IMMP2L: variants seen among roughly 807,000 people sequenced by gnomAD.
IMMP2L encodes the protein inner mitochondrial membrane peptidase subunit 2, also known as mitochondrial inner membrane protease subunit 2.
Under a neutral mutation model 19.3 loss-of-function variants are expected in IMMP2L, and 18 were observed. That is an observed-to-expected ratio of 0.93 (90% CI 0.64 to 1.38). The LOEUF (loss-of-function observed/expected upper bound fraction) is 1.38. Among genes scored for constraint, IMMP2L ranks in the 40% most tolerant of loss-of-function variants. The probability of loss-of-function intolerance (pLI) is 0.00; values close to 1 mark genes in which losing one functional copy is unlikely to be tolerated. For synonymous variants in IMMP2L, 76 were observed against 73.0 expected (o/e 1.04, Z -0.21); for missense variants, 233 against 218.2 (o/e 1.07, Z -0.43).
At chr7:110,834,693 G>A (rs112931220) in intron 5 of IMMP2L, among the ~76,000 whole-genome samples, 20 of 152,290 alleles carry the variant, frequency 1.3e-4, no homozygotes, top group African/African-American at 4.6e-4. Context: ...GTTTGAAGAA[G>A]AGAAAACTAT....
intron 2 of IMMP2L, among the ~76,000 whole-genome samples, chr7:111,489,575 C>G (rs1244599584): frequency 3.3e-5 from 5 of 152,102 alleles, no homozygotes; most frequent in African/African-American, 1.2e-4. Context: ...GCAGTAATGA[C>G]GTGCCTTTTG....
In IMMP2L at chr7:110,886,579, A is replaced by G. The variant is rs774026749; in HGVS notation, c.408+14T>C. 2 of 1,448,398 alleles carry G rather than the reference A, an allele frequency of 1.4e-6. No individual in the cohort carries two copies. The highest frequency in any genetic ancestry group is 4.6e-5 in the East Asian group (2 of 43,942). 89.7% of individuals were successfully genotyped at this position (1,448,398 alleles called of 1,614,324 possible). A position where few individuals can be genotyped will look rare whatever the true frequency, so the allele number is the denominator to read the frequency against. Reference sequence around the variant, plus strand: ...AATCCAATTACATCAACAAGAAGATAAAAGATGACTTACCGGCCCAAAAGA... The same window carrying G: ...AATCCAATTACATCAACAAGAAGATGAAAGATGACTTACCGGCCCAAAAGA... On this transcript the variant is annotated intron_variant, in intron 5 of 5. Coordinates refer to ENST00000405709, the MANE Select transcript of IMMP2L (RefSeq NM_032549.4).
At chr7:110,936,130 T>C (rs550616562) in intron 4 of IMMP2L, among the ~76,000 whole-genome samples, 4 of 152,144 alleles carry the variant, frequency 2.6e-5, no homozygotes, top group Non-Finnish European at 5.9e-5. Flanking sequence ...ATTCAGGACA[T>C]AGGCATGAGC....
At chr7:111,106,128 G>A (rs1798525264) in intron 3 of IMMP2L, among the ~76,000 whole-genome samples, 1 of 151,944 alleles carries the variant, frequency 6.6e-6, no homozygotes, top group African/African-American at 2.4e-5. Flanking sequence ...CAACATTGGT[G>A]CACATTGGAG....
intron 5 of IMMP2L, among the ~76,000 whole-genome samples, chr7:110,806,513 G>T (rs1326590092): frequency 1.3e-5 from 2 of 151,818 alleles, no homozygotes; most frequent in Non-Finnish European, 2.9e-5. Context: ...CTATTATCTT[G>T]CACTTTAACA....
chr7:111,551,536 A>T (rs1849463620), intron 1 of IMMP2L, among the ~76,000 whole-genome samples: 1 of 140,232 alleles, frequency 7.1e-6, no homozygotes, highest in Non-Finnish European at 1.6e-5. Context: ...GTGTGTGGTC[A>T]CTTGCTTGCT....
chr7:110,733,252 T>C (rs942786705), intron 5 of IMMP2L, among the ~76,000 whole-genome samples: 3 of 152,188 alleles, frequency 2.0e-5, no homozygotes, highest in Non-Finnish European at 4.4e-5. Flanking sequence ...CTTTCTACTA[T>C]GATGGTTATT....
chr7:111,309,861 T>G (rs184461444), intron 3 of IMMP2L, among the ~76,000 whole-genome samples: 1 of 152,192 alleles, frequency 6.6e-6, no homozygotes, highest in East Asian at 1.9e-4. Flanking sequence ...ATTACTATTT[T>G]AGAGATTTTA....
In IMMP2L at chr7:111,213,463, A is replaced by G. The variant is rs185334076; in HGVS notation, c.240-249898T>C. ...GAGTGGAAGGGGGTGGGTCCCTAGC[A>G]AGGCCCCACCTTCAAGCTGGGGAGG... On this transcript the variant is annotated intron_variant, in intron 3 of 5. Transcript: ENST00000405709. This position sits in a 1 kb window ranked among gnomAD's most constrained non-coding sequence, Gnocchi z 4.8. Among the ~76,000 whole-genome samples, 1 of 152,244 alleles carries G rather than the reference A, an allele frequency of 6.6e-6. No individual in the cohort carries two copies. Among genetic ancestry groups the G allele is most frequent in the East Asian group, 1.9e-4 (1 of 5,162 alleles).
chr7:111,539,206 GAAAGAAAGAAAGAA>G (rs1563330840), intron 1 of IMMP2L, among the ~76,000 whole-genome samples: 581 of 41,232 alleles, frequency 0.014, 26 homozygotes, highest in East Asian at 0.029. Context: ...GAGAAAGAAA[GAAAGAAAGAAAGAA>G]AGAAAGAAAG....
intron 4 of IMMP2L, among the ~76,000 whole-genome samples, chr7:110,907,371 A>C (rs1812574761): frequency 6.6e-6 from 1 of 152,122 alleles, no homozygotes; most frequent in Admixed American, 6.6e-5. Context: ...CTCCTCTCTG[A>C]AGCTATGCCA....
chr7:111,340,377 C>G (rs898855343), intron 3 of IMMP2L, among the ~76,000 whole-genome samples: 1 of 151,970 alleles, frequency 6.6e-6, no homozygotes, highest in Non-Finnish European at 1.5e-5. Flanking sequence ...AGATGTTATT[C>G]TAGTTGTTCT....
intron 5 of IMMP2L, among the ~76,000 whole-genome samples, chr7:110,817,336 A>T (rs1802615651): frequency 6.6e-6 from 1 of 152,116 alleles, no homozygotes; most frequent in South Asian, 2.1e-4. Flanking sequence ...ACAGAGAGCC[A>T]AATCATGAGT....
At chr7:111,044,086 A>G (rs1563188302) in intron 3 of IMMP2L, among the ~76,000 whole-genome samples, 1 of 152,240 alleles carries the variant, frequency 6.6e-6, no homozygotes, top group African/African-American at 2.4e-5. Context: ...AACCATTTTC[A>G]GTACAGTGAA....
intron 1 of IMMP2L, among the ~76,000 whole-genome samples, chr7:111,523,523 T>G (rs1846549722): frequency 6.6e-6 from 1 of 152,114 alleles, no homozygotes; most frequent in African/African-American, 2.4e-5. Flanking sequence ...CTGAATTACC[T>G]ACTGTAACTG....
intron 3 of IMMP2L, among the ~76,000 whole-genome samples, chr7:111,268,589 T>C (rs1326715205): frequency 4.4e-5 from 4 of 90,286 alleles, no homozygotes; most frequent in African/African-American, 1.7e-4. Flanking sequence ...TTTTTTTTTT[T>C]TTTTTTTTTT....
At position 110,795,546 on chromosome 7, in the gene IMMP2L, T is replaced by A. The variant is rs1950004; in HGVS notation, c.408+91047A>T. Reference sequence around the variant, plus strand: ...TTACTTAACAGCCCTAACAACCAACTCAAGCATAAGCATAGCAGCCATAAA... The same window carrying A: ...TTACTTAACAGCCCTAACAACCAACACAAGCATAAGCATAGCAGCCATAAA... On this transcript the variant is annotated intron_variant, in intron 5 of 5. Coordinates refer to ENST00000405709, the MANE Select transcript of IMMP2L (RefSeq NM_032549.4). 2.6e-5 allele frequency among the ~76,000 whole-genome samples: 4 copies of A among 151,822 alleles called. No homozygotes were observed. The South Asian group carries it at 8.3e-4, about 32-fold the overall frequency.
intron 3 of IMMP2L, among the ~76,000 whole-genome samples, chr7:111,235,210 G>A (rs1165969952): frequency 2.6e-5 from 4 of 151,994 alleles, no homozygotes; most frequent in South Asian, 4.2e-4. Context: ...AGTGGCTCAC[G>A]CCTGTAATAC....
intron 3 of IMMP2L, among the ~76,000 whole-genome samples, chr7:111,000,705 G>A (rs183728471): frequency 5.9e-5 from 9 of 152,106 alleles, no homozygotes; most frequent in East Asian, 5.8e-4. Flanking sequence ...GTATTCTGGC[G>A]TGGTGGTGGA....
Sources: gnomAD v4.1 joint callset for allele counts (sites outside exome capture counted in the v4.1 genomes callset) on GRCh38, gnomAD v4.1.1 for gene constraint, Gnocchi (gnomAD v3.1) non-coding constraint, MANE v1.5 for transcripts, NCBI Gene and HGNC (gene_info 2026-07-23, HGNC 2026-07-21) for gene names.